Variants in TENT5A observed in about 807,000 individuals in gnomAD.
TENT5A encodes HBV X-transactivated gene 11 protein.
TENT5A carries 9 observed loss-of-function variants against 30.2 expected under a neutral mutation model. The observed-to-expected ratio is 0.30, with a 90% CI of 0.18 to 0.52. The LOEUF is 0.52. TENT5A is among the 20% of genes least tolerant of loss of function. TENT5A has a pLI of 0.97. For missense variants in TENT5A, 411 were observed against 566.1 expected (o/e 0.73, Z 2.78); for synonymous variants, 264 against 234.2 (o/e 1.13, Z -1.16).
rs1426306147 is a variant in TENT5A at position 81,748,303 on chromosome 6, T to C, written c.*1392A>G. 1 of 983,646 alleles carries C rather than the reference T, an allele frequency of 1.0e-6. No individual in the cohort carries two copies. The highest frequency in any genetic ancestry group is 1.2e-6 in the Non-Finnish European group (1 of 829,276). 60.9% of individuals were successfully genotyped at this position (983,646 alleles called of 1,614,324 possible). A position where few individuals can be genotyped will look rare whatever the true frequency, so the allele number is the denominator to read the frequency against. On this transcript the variant is annotated 3_prime_UTR_variant, in exon 3 of 3. Coordinates refer to ENST00000320172, the MANE Select transcript of TENT5A (RefSeq NM_017633.3). Reference sequence around the variant, plus strand: ...TTTTTTTTAATAAATGGGTTCCAACTGTCAAAATGGCAGTTCAATATAAAA... The same window carrying C: ...TTTTTTTTAATAAATGGGTTCCAACCGTCAAAATGGCAGTTCAATATAAAA...
rs371167602 is a variant in TENT5A, at chr6:81,751,713, G to A, written c.429C>T (p.Ile143=). 5.0e-6 allele frequency: 8 copies of A among 1,614,098 alleles called. No individual in the cohort carries two copies. Among genetic ancestry groups the A allele is most frequent in the African/African-American group, 4.0e-5 (3 of 75,062 alleles). Residue 143 remains isoleucine (I), a synonymous_variant, in exon 2 of 3, where the codon ATC becomes ATT. Coordinates refer to ENST00000320172, the MANE Select transcript of TENT5A (RefSeq NM_017633.3). ...SGLGYKDLDL[I]FCADLRGEGE... Reference sequence around the variant, plus strand: ...CTTCCCCGCGCAGGTCGGCGCAGAAGATGAGGTCCAGGTCCTTGTAGCCCA... The same window carrying A: ...CTTCCCCGCGCAGGTCGGCGCAGAAAATGAGGTCCAGGTCCTTGTAGCCCA...
chr6:81,750,038 A>G lies in TENT5A; in HGVS notation c.986T>C (p.Ile329Thr). Residue 329 changes from isoleucine to threonine, a missense_variant, in exon 3 of 3, where the codon ATT (isoleucine) becomes ACT (threonine). Around this residue, in one of 5 missense-constraint regions of TENT5A, gnomAD observed 135 missense variants for 240.0 expected, o/e 0.56. Coordinates refer to ENST00000320172, the MANE Select transcript of TENT5A (RefSeq NM_017633.3). This position sits in a 1 kb window ranked among gnomAD's most constrained non-coding sequence, Gnocchi z 4.2. ...CSRFFIDFSD[I>T]GEQQRKLESY... The stretch of plus-strand genomic sequence containing the variant: ...CTCCAGTTTTCTCTGCTGCTCTCCA[A>G]TGTCTGAGAAGTCGATGAAAAACCT... The G allele has an allele frequency of 6.2e-7, 1 of 1,614,166 alleles. No homozygotes were observed. Among genetic ancestry groups the G allele is most frequent in the Non-Finnish European group, 8.5e-7 (1 of 1,180,030 alleles).
At chr6:81,751,075 T>C (rs1302125760) in intron 2 of TENT5A, among the ~76,000 whole-genome samples, 1 of 150,750 alleles carries the variant, frequency 6.6e-6, no homozygotes, top group African/African-American at 2.5e-5. Flanking sequence ...ACTATACCCT[T>C]AACATATGAA....
At position 81,746,611 on chromosome 6, in the gene TENT5A, C is replaced by G; in HGVS notation, c.*3084G>C. ...TAAACCTTTAAAAACGGCATTGTCA[C>G]AGGCTATGTGTTCTCTGACATGCCA... On this transcript the variant is annotated 3_prime_UTR_variant, in exon 3 of 3. Coordinates refer to ENST00000320172, the MANE Select transcript of TENT5A (RefSeq NM_017633.3). The G allele has an allele frequency of 8.1e-7, 1 of 1,232,028 alleles. No homozygotes were observed. Among genetic ancestry groups the G allele is most frequent in the Non-Finnish European group, 1.0e-6 (1 of 987,854 alleles). The allele number at this position is 1,232,028 out of a possible 1,614,324, so 76.3% of individuals were successfully genotyped here.
Position 81,749,527 on chromosome 6 carries a change from C to T in TENT5A, c.*168G>A. On this transcript the variant is annotated 3_prime_UTR_variant, in exon 3 of 3. Transcript: ENST00000320172. ...TCCTTTCGAGATCATGCTCCCACAT[C>T]TATTAAAAGATACATAAGCTTTGCC... 1 of 1,371,808 alleles carries T rather than the reference C, an allele frequency of 7.3e-7. No homozygotes were observed. Among genetic ancestry groups the T allele is most frequent in the East Asian group, 2.7e-5 (1 of 37,646 alleles). 85.0% of individuals were successfully genotyped at this position (1,371,808 alleles called of 1,614,324 possible).
intron 1 of TENT5A, 42 bp from the exon 2 acceptor site, chr6:81,752,220 G>A: frequency 8.0e-7 from 1 of 1,255,112 alleles, no homozygotes; most frequent in Non-Finnish European, 1.0e-6. Flanking sequence ...ACGCGCGGCG[G>A]CGGAGAGCAC....
rs1768873897 is a variant in TENT5A, at chr6:81,745,937, C to T, written c.*3758G>A. Reference sequence around the variant, plus strand: ...CAAGGTGCAGCTTGCTGCAACAGAACACCTCAAAGCAGGCATGATTGTAGA... The same window carrying T: ...CAAGGTGCAGCTTGCTGCAACAGAATACCTCAAAGCAGGCATGATTGTAGA... On this transcript the variant is annotated 3_prime_UTR_variant, in exon 3 of 3. Coordinates refer to ENST00000320172, the MANE Select transcript of TENT5A (RefSeq NM_017633.3). The T allele has an allele frequency of 5.1e-6, 5 of 985,512 alleles. No homozygotes were observed. The South Asian group carries it at 2.3e-4, about 46-fold the overall frequency. The allele number at this position is 985,512 out of a possible 1,614,324, so 61.0% of individuals were successfully genotyped here.
Position 81,746,245 on chromosome 6 carries a change from C to T in TENT5A, c.*3450G>A. Reference sequence around the variant, plus strand: ...TAACACACTTCATCTTCAACAACAACAAAAAAGCTTATTTTTGAACTGACA... The same window carrying T: ...TAACACACTTCATCTTCAACAACAATAAAAAAGCTTATTTTTGAACTGACA... On this transcript the variant is annotated 3_prime_UTR_variant, in exon 3 of 3. Coordinates refer to ENST00000320172, the MANE Select transcript of TENT5A (RefSeq NM_017633.3). 8.7e-7 allele frequency: 1 copy of T among 1,151,160 alleles called. No homozygotes were observed. Among genetic ancestry groups the T allele is most frequent in the South Asian group, 4.4e-5 (1 of 22,780 alleles). The allele number at this position is 1,151,160 out of a possible 1,614,324, so 71.3% of individuals were successfully genotyped here. A position where few individuals can be genotyped will look rare whatever the true frequency, so the allele number is the denominator to read the frequency against.
Position 81,748,786 on chromosome 6 carries a change from T to A in TENT5A, c.*909A>T, listed in dbSNP as rs1768937541. 7 of 985,692 alleles carry A rather than the reference T, an allele frequency of 7.1e-6. No homozygotes were observed. The highest frequency in any genetic ancestry group is 8.4e-6 in the Non-Finnish European group (7 of 829,798). 61.1% of individuals were successfully genotyped at this position (985,692 alleles called of 1,614,324 possible). On this transcript the variant is annotated 3_prime_UTR_variant, in exon 3 of 3. Coordinates refer to ENST00000320172, the MANE Select transcript of TENT5A (RefSeq NM_017633.3). ...TCCACCATTCACAAGCTTATGTTAT[T>A]TTCTTCTTGAGGCAGTCCCTGATAA...
chr6:81,748,386 GAAA>G lies in TENT5A; in HGVS notation c.*1306_*1308del, dbSNP rs1171685213. ...TTGTGGAATTTTATGGCTCACCAAAGAAAAAAAAAAAAAGAAAAAAAAATCCCA... is the reference window on the plus strand; with the variant it reads ...TTGTGGAATTTTATGGCTCACCAAAGAAAAAAAAAAGAAAAAAAAATCCCA... On this transcript the variant is annotated 3_prime_UTR_variant, in exon 3 of 3. Coordinates refer to ENST00000320172, the MANE Select transcript of TENT5A (RefSeq NM_017633.3). 4 of 705,392 alleles carry G rather than the reference GAAA, an allele frequency of 5.7e-6. No homozygotes were observed. Among genetic ancestry groups the G allele is most frequent in the African/African-American group, 3.0e-5 (1 of 33,692 alleles). The allele number at this position is 705,392 out of a possible 1,614,324, so 43.7% of individuals were successfully genotyped here.
chr6:81,747,441 G>C lies in TENT5A; in HGVS notation c.*2254C>G, dbSNP rs1768909511. ...GAGTGGCAGTGCAGCGGCTGTTGCA[G>C]CTCTGACAGAATTCACAAGGAAGCT... On this transcript the variant is annotated 3_prime_UTR_variant, in exon 3 of 3. Transcript: ENST00000320172. 3.0e-6 allele frequency: 3 copies of C among 985,692 alleles called. No individual in the cohort carries two copies. In the African/African-American group the frequency reaches 5.2e-5, roughly 17 times the overall value. 61.1% of individuals were successfully genotyped at this position (985,692 alleles called of 1,614,324 possible). A position where few individuals can be genotyped will look rare whatever the true frequency, so the allele number is the denominator to read the frequency against.
rs1460498819 is a variant in TENT5A, at chr6:81,746,388, G to A, written c.*3307C>T. On this transcript the variant is annotated 3_prime_UTR_variant, in exon 3 of 3. Transcript: ENST00000320172. ...ACCAACAATAAGCAAACAGAAAGGG[G>A]TGGTAAAAACAGTACGTTCACTTTT... is the stretch of plus-strand genomic sequence containing the variant. The A allele has an allele frequency of 8.1e-7, 1 of 1,229,138 alleles. No homozygotes were observed. Among genetic ancestry groups the A allele is most frequent in the South Asian group, 4.2e-5 (1 of 23,730 alleles). The allele number at this position is 1,229,138 out of a possible 1,614,324, so 76.1% of individuals were successfully genotyped here.
At position 81,752,657 on chromosome 6, in the gene TENT5A, G is replaced by GTCTC. The variant is rs561071983; in HGVS notation, c.-268_-265dup. On this transcript the variant is annotated 5_prime_UTR_variant, in exon 1 of 3. Transcript: ENST00000320172. ...GGCTCTTGCTGCCACACACGCTCGTGTCTCTGGAGCTTTAGCAGTTGTGCG... is the reference window on the plus strand; with the variant it reads ...GGCTCTTGCTGCCACACACGCTCGTGTCTCTCTCTGGAGCTTTAGCAGTTGTGCG... 5.3e-4 allele frequency: 377 copies of GTCTC among 717,962 alleles called. No homozygotes were observed. In the African/African-American group the frequency reaches 5.3e-3, roughly 10 times the overall value. 44.5% of individuals were successfully genotyped at this position (717,962 alleles called of 1,614,324 possible).
In TENT5A at chr6:81,747,347, T is replaced by C; in HGVS notation, c.*2348A>G. On this transcript the variant is annotated 3_prime_UTR_variant, in exon 3 of 3. Transcript: ENST00000320172. ...GTTTCCTGGGAAGTTGCAATTAATT[T>C]TTCAAACCCAGGGCTTAAGTGAGGG... 1 of 985,844 alleles carries C rather than the reference T, an allele frequency of 1.0e-6. No homozygotes were observed. Among genetic ancestry groups the C allele is most frequent in the Non-Finnish European group, 1.2e-6 (1 of 829,930 alleles). The allele number at this position is 985,844 out of a possible 1,614,324, so 61.1% of individuals were successfully genotyped here.
At position 81,746,154 on chromosome 6, in the gene TENT5A, A is replaced by C. The variant is rs1262801352; in HGVS notation, c.*3541T>G. 1.0e-6 allele frequency: 1 copy of C among 996,728 alleles called. No homozygotes were observed. The highest frequency in any genetic ancestry group is 1.7e-5 in the African/African-American group (1 of 57,964). The allele number at this position is 996,728 out of a possible 1,614,324, so 61.7% of individuals were successfully genotyped here. ...AAAATGCTATGCTAAAAGAAATTTT[A>C]AAGAAAGATTATATTCAAATAGATG... On this transcript the variant is annotated 3_prime_UTR_variant, in exon 3 of 3. Transcript: ENST00000320172.
In TENT5A at chr6:81,750,522, C is replaced by T; in HGVS notation, c.553-51G>A. 1 of 1,123,254 alleles carries T rather than the reference C, an allele frequency of 8.9e-7. No individual in the cohort carries two copies. The highest frequency in any genetic ancestry group is 1.2e-6 in the Non-Finnish European group (1 of 801,308). The allele number at this position is 1,123,254 out of a possible 1,614,324, so 69.6% of individuals were successfully genotyped here. On this transcript the variant is annotated intron_variant, in intron 2 of 2. Coordinates refer to ENST00000320172, the MANE Select transcript of TENT5A (RefSeq NM_017633.3). This position sits in a 1 kb window ranked among gnomAD's most constrained non-coding sequence, Gnocchi z 4.2. ...TGAGCAAACCTAGAAAATAATAAAT[C>T]AATAAATAAATACATCCTCTTCACA...
At position 81,747,984 on chromosome 6, in the gene TENT5A, C is replaced by A; in HGVS notation, c.*1711G>T. 1 of 983,380 alleles carries A rather than the reference C, an allele frequency of 1.0e-6. No homozygotes were observed. 60.9% of individuals were successfully genotyped at this position (983,380 alleles called of 1,614,324 possible). On this transcript the variant is annotated 3_prime_UTR_variant, in exon 3 of 3. Coordinates refer to ENST00000320172, the MANE Select transcript of TENT5A (RefSeq NM_017633.3). ...AAGTACAGTACTAAATATTTAAATG[C>A]AGTGTGACAACCAGATCAAAGATGT...
chr6:81,749,896 C>T lies in TENT5A; in HGVS notation c.1128G>A (p.Gln376=), dbSNP rs777329980. The T allele has an allele frequency of 1.5e-5, 25 of 1,614,002 alleles. 1 individual carries two copies. The highest frequency in any genetic ancestry group is 8.3e-5 in the Admixed American group (5 of 59,994). The part of the protein sequence containing the change: ...TVCLMGHERR[Q]TLNLITMLAI... ...CCAGCATGGTGATAAGGTTTAAAGT[C>T]TGTCTTCTTTCATGTCCCATCAGGC... The change falls in exon 3 of 3, where the codon CAG becomes CAA. Residue 376 remains glutamine, a synonymous_variant. Coordinates refer to ENST00000320172, the MANE Select transcript of TENT5A (RefSeq NM_017633.3).
In TENT5A at chr6:81,749,594, T is replaced by G; in HGVS notation, c.*101A>C. Reference sequence around the variant, plus strand: ...GCATATCATCATTGCACAAAACACATCCCTAATAAGGGCTGGATCACTCTT... The same window carrying G: ...GCATATCATCATTGCACAAAACACAGCCCTAATAAGGGCTGGATCACTCTT... On this transcript the variant is annotated 3_prime_UTR_variant, in exon 3 of 3. Coordinates refer to ENST00000320172, the MANE Select transcript of TENT5A (RefSeq NM_017633.3). 1 of 1,482,422 alleles carries G rather than the reference T, an allele frequency of 6.7e-7. No individual in the cohort carries two copies. Among genetic ancestry groups the G allele is most frequent in the South Asian group, 1.4e-5 (1 of 70,150 alleles). The allele number at this position is 1,482,422 out of a possible 1,614,324, so 91.8% of individuals were successfully genotyped here.
Sources: allele counts gnomAD v4.1 joint callset (sites outside exome capture counted in the v4.1 genomes callset), GRCh38; gene constraint gnomAD v4.1.1; regional missense constraint gnomAD v4.1.1; non-coding constraint Gnocchi (gnomAD v3.1); transcripts MANE v1.5; gene names NCBI Gene and HGNC (gene_info 2026-07-23, HGNC 2026-07-21).